The following CSGALNACT1 variants were observed in gnomAD, a reference collection of about 807,000 sequenced individuals.
The protein encoded by CSGALNACT1 is chondroitin sulfate N-acetylgalactosaminyltransferase 1, also known as beta4GalNAcT-1.
CSGALNACT1 carries 52 observed loss-of-function variants against 51.0 expected under a neutral mutation model. The ratio of observed to expected loss-of-function variants is 1.02; its 90% CI spans 0.82 to 1.29. The LOEUF (loss-of-function observed/expected upper bound fraction) is 1.29, where lower values mean the gene tolerates loss of function less well. Among genes scored for constraint, CSGALNACT1 ranks in the 50% most tolerant of loss-of-function variants. CSGALNACT1 has a pLI of 0.00. For synonymous variants in CSGALNACT1, 341 were observed against 254.4 expected (o/e 1.34, Z -3.24); for missense variants, 935 against 679.2 (o/e 1.38, Z -4.19).
intron 1 of CSGALNACT1, among the ~76,000 whole-genome samples, chr8:19,666,646 C>CGATA (rs2059194812): frequency 1.3e-5 from 2 of 150,360 alleles, no homozygotes; most frequent in Non-Finnish European, 3.0e-5. Flanking sequence ...TACAGTGAGC[C>CGATA]GATATTGTGC....
At chr8:19,691,187 G>A (rs114247014) in intron 1 of CSGALNACT1, among the ~76,000 whole-genome samples, 1 of 152,322 alleles carries the variant, frequency 6.6e-6, no homozygotes, top group East Asian at 1.9e-4. Flanking sequence ...GGAGAAAACA[G>A]ATAGGTCTGA....
intron 3 of CSGALNACT1, among the ~76,000 whole-genome samples, chr8:19,572,232 G>T (rs1055482956): frequency 1.6e-4 from 24 of 152,164 alleles, no homozygotes; most frequent in African/African-American, 5.6e-4. Flanking sequence ...TTCTCCAGAA[G>T]ATTTACATGT....
At chr8:19,745,687 G>A (rs535595644) in intron 1 of CSGALNACT1, among the ~76,000 whole-genome samples, 22 of 152,278 alleles carry the variant, frequency 1.4e-4, no homozygotes, top group South Asian at 6.2e-4. Flanking sequence ...CTTGAAGTAC[G>A]CAGTGAGGGC....
intron 5 of CSGALNACT1, among the ~76,000 whole-genome samples, chr8:19,446,600 A>G (rs868259835): frequency 6.6e-6 from 1 of 151,914 alleles, no homozygotes; most frequent in East Asian, 1.9e-4. Flanking sequence ...CAAAGCATCA[A>G]CCTCCCAGGT....
At chr8:19,690,493 T>G (rs2061243424) in intron 1 of CSGALNACT1, among the ~76,000 whole-genome samples, 2 of 152,248 alleles carry the variant, frequency 1.3e-5, no homozygotes, top group Non-Finnish European at 2.9e-5. Context: ...GAGCTCATCT[T>G]TCTCCTAACT....
At chr8:19,755,965 A>G (rs1589844899) in intron 1 of CSGALNACT1, among the ~76,000 whole-genome samples, 2 of 152,254 alleles carry the variant, frequency 1.3e-5, no homozygotes. Flanking sequence ...CGGCAGCCCA[A>G]CACCTAGTCC....
At chr8:19,484,931 A>AG (rs2153937731) in intron 4 of CSGALNACT1, among the ~76,000 whole-genome samples, 1 of 152,242 alleles carries the variant, frequency 6.6e-6, no homozygotes, top group Admixed American at 6.5e-5. Context: ...CTGAGGACAC[A>AG]GTGAGAGGGG....
At chr8:19,680,270 T>C (rs1344708987) in intron 1 of CSGALNACT1, among the ~76,000 whole-genome samples, 2 of 151,936 alleles carry the variant, frequency 1.3e-5, no homozygotes, top group African/African-American at 4.8e-5. Flanking sequence ...ATAGTGCAAA[T>C]ATAGGCCTGG....
chr8:19,746,104 T>C (rs558409071), intron 1 of CSGALNACT1, among the ~76,000 whole-genome samples: 1 of 152,194 alleles, frequency 6.6e-6, no homozygotes, highest in Non-Finnish European at 1.5e-5. Context: ...AAGTTTTCTA[T>C]GTTTATTCAA....
chr8:19,467,332 A>T (rs1016392582), intron 4 of CSGALNACT1, among the ~76,000 whole-genome samples: 2 of 151,972 alleles, frequency 1.3e-5, no homozygotes, highest in Non-Finnish European at 2.9e-5. Context: ...CATGTCTGCC[A>T]GGATGGTCTC....
chr8:19,472,534 T>C (rs2068435564), intron 4 of CSGALNACT1, among the ~76,000 whole-genome samples: 1 of 152,246 alleles, frequency 6.6e-6, no homozygotes, highest in Non-Finnish European at 1.5e-5. Context: ...TTTACTCATT[T>C]TGAAAAAGTT....
chr8:19,712,838 G>A (rs2062590140), intron 1 of CSGALNACT1, among the ~76,000 whole-genome samples: 1 of 152,130 alleles, frequency 6.6e-6, no homozygotes, highest in Admixed American at 6.5e-5. Context: ...AATGTGCAGA[G>A]GGCCAAGCTT....
chr8:19,492,385 G>A (rs546439096), intron 4 of CSGALNACT1, among the ~76,000 whole-genome samples: 11 of 152,342 alleles, frequency 7.2e-5, no homozygotes, highest in African/African-American at 2.4e-4. Context: ...AATTATCCCA[G>A]GATGGTAAAT....
At chr8:19,408,978 A>ACACACACACACACACACACACACAC (rs57424251) in intron 8 of CSGALNACT1, among the ~76,000 whole-genome samples, 2 of 150,868 alleles carry the variant, frequency 1.3e-5, no homozygotes, top group African/African-American at 2.4e-5. Flanking sequence ...ACACACACAC[A>ACACACACACACACACACACACACAC]ATCAAAAACA....
At chr8:19,522,479 C>G (rs768129018) in intron 3 of CSGALNACT1, among the ~76,000 whole-genome samples, 5 of 152,192 alleles carry the variant, frequency 3.3e-5, no homozygotes, top group Non-Finnish European at 7.3e-5. Context: ...CTAAGTGGTA[C>G]AGATTCCATT....
intron 1 of CSGALNACT1, among the ~76,000 whole-genome samples, chr8:19,729,792 C>A (rs1396230843): frequency 6.6e-6 from 1 of 151,958 alleles, no homozygotes; most frequent in African/African-American, 2.4e-5. Flanking sequence ...TCCCATATGA[C>A]CTTGAGCCTG....
chr8:19,581,523 C>G (rs1564138021), intron 3 of CSGALNACT1, among the ~76,000 whole-genome samples: 1 of 152,150 alleles, frequency 6.6e-6, no homozygotes. Context: ...AGGAGAATCG[C>G]TTGAACCAGG....
intron 3 of CSGALNACT1, among the ~76,000 whole-genome samples, chr8:19,589,755 G>T (rs924144680): frequency 1.3e-5 from 2 of 152,170 alleles, no homozygotes; most frequent in African/African-American, 4.8e-5. Flanking sequence ...TTACAAAAAG[G>T]TATGTTAGTA....
chr8:19,689,616 G>A (rs570170992), intron 1 of CSGALNACT1, among the ~76,000 whole-genome samples: 25 of 152,322 alleles, frequency 1.6e-4, no homozygotes, highest in African/African-American at 5.8e-4. Context: ...AATTTTCTAT[G>A]TATTAAACTA....
Sources: gnomAD v4.1 joint callset for allele counts (sites outside exome capture counted in the v4.1 genomes callset) on GRCh38, gnomAD v4.1.1 for gene constraint, MANE v1.5 for transcripts, NCBI Gene and HGNC (gene_info 2026-07-23, HGNC 2026-07-21) for gene names.